The following ZFAT variants were observed in gnomAD, a reference collection of about 807,000 sequenced individuals.
The protein encoded by ZFAT is zinc finger protein ZFAT.
ZFAT carries 64 observed loss-of-function variants against 117.7 expected under a neutral mutation model. The ratio of observed to expected loss-of-function variants is 0.54; its 90% CI spans 0.44 to 0.67. The LOEUF (loss-of-function observed/expected upper bound fraction) is 0.67, where lower values mean the gene tolerates loss of function less well. Among genes scored for constraint, ZFAT ranks in the 30% least tolerant of loss-of-function variants. ZFAT has a pLI of 0.00. For synonymous variants in ZFAT, 679 were observed against 615.0 expected (o/e 1.10, Z -1.54); for missense variants, 1,433 against 1,584.5 (o/e 0.90, Z 1.62).
the ZFAT span, among the ~76,000 whole-genome samples, chr8:134,780,958 G>T: frequency 1.3e-5 from 2 of 152,104 alleles, no homozygotes; most frequent in Non-Finnish European, 2.9e-5. Context: ...ATCACAGTCA[G>T]GGTACTAGTA....
At chr8:134,519,398 G>A (rs1450731312) in intron 13 of ZFAT, among the ~76,000 whole-genome samples, 4 of 152,032 alleles carry the variant, frequency 2.6e-5, no homozygotes, top group Non-Finnish European at 5.9e-5. Context: ...TATCAAATGG[G>A]GGTTTTGTTT....
chr8:134,609,169 T>C (rs1828133400), intron 4 of ZFAT, among the ~76,000 whole-genome samples: 1 of 151,872 alleles, frequency 6.6e-6, no homozygotes, highest in Non-Finnish European at 1.5e-5. Flanking sequence ...CACACACACA[T>C]ATACATATAT....
At chr8:134,538,356 C>A (rs1012484640) in intron 11 of ZFAT, among the ~76,000 whole-genome samples, 1 of 152,034 alleles carries the variant, frequency 6.6e-6, no homozygotes, top group African/African-American at 2.4e-5. Flanking sequence ...CAGGGGGTGG[C>A]GCCGGTGACC....
chr8:134,546,557 C>G (rs1390018662), intron 11 of ZFAT, among the ~76,000 whole-genome samples: 2 of 152,202 alleles, frequency 1.3e-5, no homozygotes, highest in Non-Finnish European at 2.9e-5. Context: ...GCAATTTCAT[C>G]TAATCAGAGC....
the ZFAT span, chr8:134,796,871 G>T: frequency 6.6e-6 from 1 of 152,078 alleles, no homozygotes; most frequent in Non-Finnish European, 1.5e-5. Flanking sequence ...ATTTCTATAT[G>T]TTAAAAGTTC....
the ZFAT span, among the ~76,000 whole-genome samples, chr8:134,759,986 A>C: frequency 1.7e-4 from 25 of 149,356 alleles, no homozygotes; most frequent in East Asian, 2.9e-3. Context: ...AAAAAAAAAA[A>C]AAAACAAACA....
chr8:134,594,661 T>C (rs1397730536), intron 7 of ZFAT: 2 of 152,174 alleles, frequency 1.3e-5, no homozygotes, highest in African/African-American at 4.8e-5. Context: ...GACAGGCCCC[T>C]CCCTATATGC....
chr8:134,563,554 TC>T (rs1340071122), intron 11 of ZFAT, among the ~76,000 whole-genome samples: 3 of 152,176 alleles, frequency 2.0e-5, no homozygotes, highest in African/African-American at 4.8e-5. Context: ...CCTCGTCACC[TC>T]AGAAGTGCTG....
At chr8:134,497,397 C>A (rs1429281261) in intron 15 of ZFAT, among the ~76,000 whole-genome samples, 1 of 152,132 alleles carries the variant, frequency 6.6e-6, no homozygotes, top group East Asian at 1.9e-4. Flanking sequence ...GCAGGATGCC[C>A]CTGCTGCTGG....
chr8:134,500,748 C>T (rs1368914468), intron 15 of ZFAT, among the ~76,000 whole-genome samples: 1 of 152,174 alleles, frequency 6.6e-6, no homozygotes, highest in Non-Finnish European at 1.5e-5. Context: ...CTACAAAGGA[C>T]AAGAGCTGGC....
At chr8:134,783,941 A>G in the ZFAT span, 1 of 152,162 alleles carries the variant, frequency 6.6e-6, no homozygotes, top group Non-Finnish European at 1.5e-5. Flanking sequence ...AGGCATGGAG[A>G]ACAGAAATGG....
chr8:134,603,706 C>T (rs949621968), intron 5 of ZFAT, among the ~76,000 whole-genome samples: 5 of 152,218 alleles, frequency 3.3e-5, no homozygotes, highest in Non-Finnish European at 7.3e-5. Flanking sequence ...ATGTGCCTGC[C>T]TGGGGTGAGC....
At chr8:134,595,618 T>A (rs1826868705) in intron 7 of ZFAT, among the ~76,000 whole-genome samples, 1 of 152,174 alleles carries the variant, frequency 6.6e-6, no homozygotes, top group African/African-American at 2.4e-5. Flanking sequence ...CACAATGCTG[T>A]TAAAAGTGGA....
chr8:134,600,337 G>A (rs1458489780), intron 7 of ZFAT, 99 bp downstream of exon 7: 1 of 1,092,938 alleles, frequency 9.1e-7, no homozygotes, highest in Non-Finnish European at 1.4e-6. Flanking sequence ...TATGTTTTCA[G>A]GGCTGACCTG....
chr8:134,633,533 T>C (rs1830022351), intron 3 of ZFAT, among the ~76,000 whole-genome samples: 1 of 152,222 alleles, frequency 6.6e-6, no homozygotes. Flanking sequence ...AAATGAGGTA[T>C]GCCCATGCAT....
At position 134,712,826 on chromosome 8, in the gene ZFAT, A is replaced by G; in HGVS notation, c.19+19T>C. The stretch of plus-strand genomic sequence containing the variant: ...CCCCACCCCCACCCCGTCTCACCCC[A>G]ACCCCCAGCCCGGCTCACCTGCCGC... On this transcript the variant is annotated intron_variant, in intron 1 of 15. Transcript: ENST00000377838. 6 of 232,538 alleles carry G rather than the reference A, an allele frequency of 2.6e-5. No homozygotes were observed. Among genetic ancestry groups the G allele is most frequent in the Non-Finnish European group, 3.9e-5 (6 of 152,134 alleles). 14.4% of individuals were successfully genotyped at this position (232,538 alleles called of 1,614,324 possible).
the ZFAT span, among the ~76,000 whole-genome samples, chr8:134,821,085 T>C: frequency 2.6e-5 from 4 of 152,214 alleles, no homozygotes; most frequent in African/African-American, 9.6e-5. Context: ...CAGATGGTTG[T>C]TGTGAAGATT....
At chr8:134,485,205 T>G (rs1817582150) in intron 15 of ZFAT, among the ~76,000 whole-genome samples, 1 of 152,160 alleles carries the variant, frequency 6.6e-6, no homozygotes, top group Non-Finnish European at 1.5e-5. Flanking sequence ...CACTGGGTCC[T>G]GGGGAGTTAT....
In ZFAT at chr8:134,547,728, T is replaced by C. The variant is rs559555514; in HGVS notation, c.2977-14756A>G. ...CATAAGAAAACAATACACTTACAGA[T>C]AGTAAACCTGCTCTTTGCTAAGAGG... On this transcript the variant is annotated intron_variant, in intron 11 of 15. Coordinates refer to ENST00000377838, the MANE Select transcript of ZFAT (RefSeq NM_020863.4). 2.0e-5 allele frequency among the ~76,000 whole-genome samples: 3 copies of C among 152,344 alleles called. No individual in the cohort carries two copies. The East Asian group carries it at 5.8e-4, about 29-fold the overall frequency.
Sources: gnomAD v4.1 joint callset for allele counts (sites outside exome capture counted in the v4.1 genomes callset) on GRCh38, gnomAD v4.1.1 for gene constraint, MANE v1.5 for transcripts, NCBI Gene and HGNC (gene_info 2026-07-23, HGNC 2026-07-21) for gene names.